The following NCOA7 variants were observed in gnomAD, a reference collection of about 807,000 sequenced individuals.
The protein encoded by NCOA7 is 140 kDa estrogen receptor-associated protein.
A neutral mutation model predicts 104.3 loss-of-function variants in NCOA7; 45 were observed. The observed-to-expected ratio is 0.43, with a 90% CI of 0.34 to 0.55. NCOA7 has a LOEUF of 0.55. NCOA7 is among the 20% of genes least tolerant of loss of function. NCOA7 has a pLI of 0.02. For missense variants in NCOA7, 1,041 were observed against 1,119.7 expected (o/e 0.93, Z 1.00); for synonymous variants, 398 against 402.3 (o/e 0.99, Z 0.13).
At chr6:125,890,121 C>T (rs1784526127) in intron 9 of NCOA7, 140 bp downstream of exon 9, 1 of 624,190 alleles carries the variant, frequency 1.6e-6, no homozygotes, top group African/African-American at 1.9e-5. Context: ...ATAGCATTAA[C>T]AATTGGGGAG....
chr6:125,919,743 A>G (rs1201580175), intron 11 of NCOA7, among the ~76,000 whole-genome samples: 1 of 152,124 alleles, frequency 6.6e-6, no homozygotes, highest in Admixed American at 6.5e-5. Flanking sequence ...TAGTGTTTTC[A>G]CTACGGAAAC....
At chr6:125,837,114 T>G (rs1375635972) in intron 2 of NCOA7, among the ~76,000 whole-genome samples, 1 of 152,218 alleles carries the variant, frequency 6.6e-6, no homozygotes, top group African/African-American at 2.4e-5. Flanking sequence ...GTAAAGCGAC[T>G]TTGCTTGAGA....
intron 1 of NCOA7, among the ~76,000 whole-genome samples, chr6:125,785,644 T>A (rs1404705555): frequency 6.6e-6 from 1 of 152,258 alleles, no homozygotes; most frequent in Non-Finnish European, 1.5e-5. Flanking sequence ...GCACCAATGT[T>A]GTAGCAGCTT....
chr6:125,813,257 G>A (rs962952829), intron 1 of NCOA7, among the ~76,000 whole-genome samples: 1 of 152,142 alleles, frequency 6.6e-6, no homozygotes. Flanking sequence ...AGTGAAGGGG[G>A]TGGGCTGCAC....
intron 1 of NCOA7, among the ~76,000 whole-genome samples, chr6:125,808,273 G>A (rs1449843142): frequency 1.3e-5 from 2 of 152,162 alleles, no homozygotes; most frequent in Non-Finnish European, 2.9e-5. Flanking sequence ...GCCCAGCACT[G>A]GCATCACCTG....
At chr6:125,797,748 G>C (rs3813375) in intron 1 of NCOA7, 1 of 152,108 alleles carries the variant, frequency 6.6e-6, no homozygotes, top group African/African-American at 2.4e-5. Flanking sequence ...GCTCAGTTCT[G>C]TGGTTGCAGG....
At position 125,854,339 on chromosome 6, in the gene NCOA7, C is replaced by G. The variant is rs115305513; in HGVS notation, c.51-681C>G. ...TCAGTGAATTATGCTAACTTTATCT[C>G]TTACACATATTTGGCTCAGGAGTAA... is the stretch of plus-strand genomic sequence containing the variant. On this transcript the variant is annotated intron_variant, in intron 2 of 15. Coordinates refer to ENST00000392477, the MANE Select transcript of NCOA7 (RefSeq NM_181782.5). Among the ~76,000 whole-genome samples the G allele has an allele frequency of 6.4e-3, 981 of 152,300 alleles. 9 individuals carry two copies. The highest frequency in any genetic ancestry group is 0.023 in the African/African-American group (937 of 41,552).
chr6:125,890,556 T>C (rs1347964204), intron 9 of NCOA7, 86 bp from the exon 10 acceptor site: 9 of 1,282,502 alleles, frequency 7.0e-6, no homozygotes, highest in Admixed American at 2.3e-5. Context: ...TAAGAGAGGA[T>C]TGTGCACTAT....
rs569665937 is a variant in NCOA7 at position 125,865,104 on chromosome 6, A to G, written c.272-9785A>G. Among the ~76,000 whole-genome samples, 9 of 138,278 alleles carry G rather than the reference A, an allele frequency of 6.5e-5. 1 individual carries two copies. The highest frequency in any genetic ancestry group is 2.1e-4 in the Admixed American group (3 of 14,608). 90.7% of individuals were successfully genotyped at this position (138,278 alleles called of 152,430 possible). ...AATTTAGGACTTATGATCTGCTACA[A>G]AAAATGTAGCCTATTTTACAAACGT... is the stretch of plus-strand genomic sequence containing the variant. On this transcript the variant is annotated intron_variant, in intron 3 of 15. Transcript: ENST00000392477.
At chr6:125,885,799 G>A (rs2146369) in intron 8 of NCOA7, among the ~76,000 whole-genome samples, 112,296 of 152,076 alleles carry the variant, frequency 0.74, 42,239 homozygotes, top group African/African-American at 0.89. Context: ...GCATGGAGAG[G>A]GGTTTGGGTC....
At chr6:125,855,404 C>CACTT in intron 3 of NCOA7, 164 bp downstream of exon 3, 1 of 576,408 alleles carries the variant, frequency 1.7e-6, no homozygotes, top group African/African-American at 1.9e-5. Context: ...GTAAGGGGAT[C>CACTT]ACACTAAAAT....
rs1562199790 is a variant in NCOA7, at chr6:125,929,433, G to C, written c.*662G>C. ...ATTTTTTTTGCCCTGATTGTTTAGG[G>C]TGATAGGTCTTAAGCAGCATATATC... On this transcript the variant is annotated 3_prime_UTR_variant, in exon 16 of 16. Transcript: ENST00000392477. The C allele has an allele frequency of 1.4e-5, 2 of 145,538 alleles. No individual in the cohort carries two copies. Among genetic ancestry groups the C allele is most frequent in the African/African-American group, 5.3e-5 (2 of 37,946 alleles). 9.0% of individuals were successfully genotyped at this position (145,538 alleles called of 1,614,324 possible).
intron 4 of NCOA7, 75 bp from the exon 5 acceptor site, chr6:125,878,188 G>A: frequency 1.3e-6 from 1 of 781,150 alleles, no homozygotes; most frequent in Middle Eastern, 2.9e-4. Flanking sequence ...TCATATTGCA[G>A]ATAAATTAAT....
intron 1 of NCOA7, chr6:125,810,152 A>C (rs901632899): frequency 6.6e-6 from 1 of 151,828 alleles, no homozygotes; most frequent in South Asian, 2.1e-4. Context: ...GCAAGTTAAG[A>C]CACATGTACC....
At position 125,875,214 on chromosome 6, in the gene NCOA7, C is replaced by T. The variant is rs1783259655; in HGVS notation, c.351+246C>T. 3 of 395,234 alleles carry T rather than the reference C, an allele frequency of 7.6e-6. No individual in the cohort carries two copies. In the East Asian group the frequency reaches 1.3e-4, roughly 17 times the overall value. The allele number at this position is 395,234 out of a possible 1,614,324, so 24.5% of individuals were successfully genotyped here. On this transcript the variant is annotated intron_variant, in intron 4 of 15. Coordinates refer to ENST00000392477, the MANE Select transcript of NCOA7 (RefSeq NM_181782.5). Reference sequence around the variant, plus strand: ...GCAACATCCATCACCCTGTTGACCACCAGCATTGTTTAGGCTGATCTGGCT... The same window carrying T: ...GCAACATCCATCACCCTGTTGACCATCAGCATTGTTTAGGCTGATCTGGCT...
At chr6:125,789,110 C>T (rs1254266726), upstream of NCOA7, among the ~76,000 whole-genome samples, 2 of 152,178 alleles carry the variant, frequency 1.3e-5, no homozygotes, top group Non-Finnish European at 2.9e-5. Context: ...GTGACTTCAA[C>T]GTGTTACTTA....
intron 11 of NCOA7, among the ~76,000 whole-genome samples, chr6:125,918,169 T>G (rs931558084): frequency 3.9e-5 from 6 of 152,200 alleles, no homozygotes; most frequent in African/African-American, 1.4e-4. Flanking sequence ...GATTTTATTT[T>G]CCTTTTACAA....
chr6:125,855,321 T>A (rs1441100882), intron 3 of NCOA7, 81 bp downstream of exon 3: 3 of 1,125,254 alleles, frequency 2.7e-6, no homozygotes, highest in Non-Finnish European at 3.9e-6. Context: ...TTGTGATTGA[T>A]CATAATAATG....
intron 3 of NCOA7, among the ~76,000 whole-genome samples, chr6:125,874,612 A>C (rs1783207384): frequency 6.6e-6 from 1 of 152,224 alleles, no homozygotes; most frequent in East Asian, 1.9e-4. Context: ...GTTTTACTCT[A>C]ACTTCATAAT....
Sources: allele counts gnomAD v4.1 joint callset (sites outside exome capture counted in the v4.1 genomes callset), GRCh38; gene constraint gnomAD v4.1.1; transcripts MANE v1.5; gene names NCBI Gene and HGNC (gene_info 2026-07-23, HGNC 2026-07-21).